The following DIAPH2 variants were observed in gnomAD, a reference collection of about 807,000 sequenced individuals.
The protein encoded by DIAPH2 is protein diaphanous homolog 2.
DIAPH2 carries 35 observed loss-of-function variants against 92.7 expected under a neutral mutation model. The observed-to-expected ratio is 0.38, with a 90% CI of 0.29 to 0.50. The LOEUF (loss-of-function observed/expected upper bound fraction) is 0.50. Ranked by LOEUF, DIAPH2 falls within the 20% of genes least tolerant of loss-of-function variation. The pLI, the probability that DIAPH2 is intolerant of heterozygous loss-of-function variation, is 0.94. For synonymous variants in DIAPH2, 301 were observed against 280.4 expected, an observed-to-expected ratio of 1.07 and a Z score of -0.73; for missense variants, 701 against 819.5, an observed-to-expected ratio of 0.86 and a Z score of 1.77.
chrX:96,738,613 T>C lies in DIAPH2; in HGVS notation c.193T>C (p.Ser65Pro). 8.3e-7 allele frequency: 1 copy of C among 1,201,872 alleles called. No individual in the cohort carries two copies. The highest frequency in any genetic ancestry group is 1.7e-5 in the African/African-American group (1 of 57,157). ...VRDRITSFRK[S>P]TVKKEKPLIQ... is the part of the protein sequence containing the mutation. Reference sequence around the variant, plus strand: ...TGACCGAATTACAAGTTTTAGAAAATCTACTGTCAAAAAAGAAAAACCTCT... The same window carrying C: ...TGACCGAATTACAAGTTTTAGAAAACCTACTGTCAAAAAAGAAAAACCTCT... The change falls in exon 3 of 27, where the codon TCT becomes CCT. Residue 65 changes from serine to proline, a missense_variant. Ser to Pro is a moderately conservative substitution (Grantham distance 74). Around this residue, in one of 3 missense-constraint regions of DIAPH2, gnomAD observed 131 missense variants for 145.6 expected, o/e 0.90. Coordinates refer to ENST00000324765, the MANE Select transcript of DIAPH2 (RefSeq NM_006729.5).
chrX:97,513,916 G>A (rs1330949146), intron 26 of DIAPH2, among the ~76,000 whole-genome samples: 1 of 102,975 alleles, frequency 9.7e-6, no homozygotes, highest in Non-Finnish European at 2.0e-5. Context: ...AGGGTAACCC[G>A]ACCTTTCTCT....
At chrX:97,107,562 T>G (rs1274117840) in intron 20 of DIAPH2, among the ~76,000 whole-genome samples, 5 of 111,847 alleles carry the variant, frequency 4.5e-5, no homozygotes, top group Non-Finnish European at 9.4e-5. Flanking sequence ...TGCCCCTGCC[T>G]TATTTCCACA....
chrX:96,929,352 AT>A (rs2065604444), intron 9 of DIAPH2, among the ~76,000 whole-genome samples: 1 of 111,619 alleles, frequency 9.0e-6, no homozygotes, highest in African/African-American at 3.2e-5. Context: ...TATGGCAAAT[AT>A]TTAGTCAGTT....
At chrX:97,245,717 T>C (rs1327432927) in intron 22 of DIAPH2, among the ~76,000 whole-genome samples, 1 of 111,390 alleles carries the variant, frequency 9.0e-6, no homozygotes, top group Non-Finnish European at 1.9e-5. Flanking sequence ...GGGGCCTACA[T>C]GAGGGTCTTA....
chrX:97,276,541 A>G (rs780389103), intron 23 of DIAPH2, among the ~76,000 whole-genome samples: 1 of 111,510 alleles, frequency 9.0e-6, no homozygotes, highest in South Asian at 3.8e-4. Context: ...TTTGCTAAGC[A>G]CAGAGAAGGA....
chrX:97,471,280 A>G (rs2070559683), intron 26 of DIAPH2, among the ~76,000 whole-genome samples: 1 of 111,711 alleles, frequency 9.0e-6, no homozygotes, highest in Admixed American at 9.5e-5. Flanking sequence ...ACCACAGAAG[A>G]AAGGTTACAC....
intron 4 of DIAPH2, among the ~76,000 whole-genome samples, chrX:96,845,962 ATTTATTT>A (rs1569411561): frequency 1.8e-5 from 2 of 108,892 alleles, no homozygotes; most frequent in Non-Finnish European, 3.8e-5. Flanking sequence ...TGTATTTTTT[ATTTATTT>A]TTTATTTTTT....
intron 26 of DIAPH2, among the ~76,000 whole-genome samples, chrX:97,458,305 C>CTT (rs199660141): frequency 4.4e-4 from 41 of 92,149 alleles, no homozygotes; most frequent in African/African-American, 1.4e-3. Flanking sequence ...TTCTTTCGTT[C>CTT]TTTTTTTTTT....
At position 97,190,951 on chromosome X, in the gene DIAPH2, T is replaced by A. The variant is rs1267328621; in HGVS notation, c.2719+49157T>A. Among the ~76,000 whole-genome samples the A allele has an allele frequency of 2.7e-5, 3 of 110,210 alleles. No individual in the cohort carries two copies. The Admixed American group carries it at 2.9e-4, about 11-fold the overall frequency. On this transcript the variant is annotated intron_variant, in intron 22 of 26. Coordinates refer to ENST00000324765, the MANE Select transcript of DIAPH2 (RefSeq NM_006729.5). The stretch of plus-strand genomic sequence containing the variant: ...GGCAAAGTTCTTTCTCCTAATCCCA[T>A]AAAGTCCTCGTCCTTTCCCCACCTA...
intron 4 of DIAPH2, among the ~76,000 whole-genome samples, chrX:96,845,457 A>G (rs779743697): frequency 8.9e-6 from 1 of 112,219 alleles, no homozygotes; most frequent in East Asian, 2.8e-4. Context: ...CCCTTTAAGT[A>G]TTTAGAAAGT....
intron 24 of DIAPH2, 65 bp from the exon 25 acceptor site, chrX:97,383,844 C>T (rs1284333573): frequency 1.0e-6 from 1 of 990,170 alleles, no homozygotes; most frequent in African/African-American, 2.0e-5. Flanking sequence ...AAATTCAAAA[C>T]TGTGCAATGT....
intron 5 of DIAPH2, among the ~76,000 whole-genome samples, chrX:96,895,149 G>A (rs140760458): frequency 0.018 from 1,924 of 109,594 alleles, 37 homozygotes; most frequent in African/African-American, 0.06. Flanking sequence ...GATTACTGGC[G>A]TGCGCCACCA....
At chrX:96,795,267 T>G (rs1192153243) in intron 4 of DIAPH2, among the ~76,000 whole-genome samples, 2 of 111,644 alleles carry the variant, frequency 1.8e-5, no homozygotes, top group Admixed American at 9.6e-5. Flanking sequence ...TCACTGCAAC[T>G]TCAGTAATAA....
At chrX:97,046,039 G>A (rs1291468103) in intron 17 of DIAPH2, among the ~76,000 whole-genome samples, 1 of 107,388 alleles carries the variant, frequency 9.3e-6, no homozygotes, top group Non-Finnish European at 1.9e-5. Flanking sequence ...GTATTTTTTG[G>A]AAGAGACAGG....
chrX:97,496,319 G>A (rs2070757808), intron 26 of DIAPH2, among the ~76,000 whole-genome samples: 1 of 108,834 alleles, frequency 9.2e-6, no homozygotes, highest in Admixed American at 9.9e-5. Context: ...GGGATTACAG[G>A]CATGTGCCAC....
At chrX:97,368,899 C>CTTTTTTTTTTTTTTTTT (rs386417287) in intron 24 of DIAPH2, among the ~76,000 whole-genome samples, 1 of 52,058 alleles carries the variant, frequency 1.9e-5, no homozygotes, top group African/African-American at 7.6e-5. Flanking sequence ...TCTACCCTTT[C>CTTTTTTTTTTTTTTTTT]TTTTTTTTTT....
chrX:97,566,134 G>A (rs764129068), intron 26 of DIAPH2, among the ~76,000 whole-genome samples: 23 of 111,890 alleles, frequency 2.1e-4, no homozygotes, highest in African/African-American at 6.8e-4. Context: ...AGACTAATGC[G>A]TGTTTTCCAG....
At chrX:97,365,597 T>C (rs1050482262) in intron 24 of DIAPH2, among the ~76,000 whole-genome samples, 2 of 111,685 alleles carry the variant, frequency 1.8e-5, no homozygotes, top group African/African-American at 3.3e-5. Flanking sequence ...TTCCCTGTTA[T>C]GCCTTTCCTA....
intron 22 of DIAPH2, among the ~76,000 whole-genome samples, chrX:97,158,523 C>G (rs181949798): frequency 8.9e-6 from 1 of 112,165 alleles, no homozygotes; most frequent in Admixed American, 9.5e-5. Context: ...ACCTTAATTA[C>G]AAAATAAATA....
Sources: allele counts gnomAD v4.1 joint callset (sites outside exome capture counted in the v4.1 genomes callset), GRCh38; gene constraint gnomAD v4.1.1; regional missense constraint gnomAD v4.1.1; transcripts MANE v1.5; gene names NCBI Gene and HGNC (gene_info 2026-07-23, HGNC 2026-07-21).